CENPF: variants seen among roughly 807,000 people sequenced by gnomAD.
CENPF encodes centromere protein F, also known as AH antigen.
Under a neutral mutation model 307.3 loss-of-function variants are expected in CENPF, and 214 were observed. That is an observed-to-expected ratio of 0.70 (90% CI 0.62 to 0.78). The LOEUF (loss-of-function observed/expected upper bound fraction) is 0.78, where lower values mean the gene tolerates loss of function less well. Ranked by LOEUF, CENPF falls within the 30% of genes least tolerant of loss-of-function variation. The pLI, the probability that CENPF is intolerant of heterozygous loss-of-function variation, is 0.00. For missense variants in CENPF, 3,401 were observed against 3,483.9 expected (o/e 0.98, Z 0.60); for synonymous variants, 1,259 against 1,270.6 (o/e 0.99, Z 0.19).
chr1:214,659,042 A>C lies in CENPF; in HGVS notation c.9141+14A>C. 6.2e-7 allele frequency: 1 copy of C among 1,613,654 alleles called. No homozygotes were observed. The highest frequency in any genetic ancestry group is 2.2e-5 in the East Asian group (1 of 44,866). On this transcript the variant is annotated intron_variant, in intron 19 of 19. Coordinates refer to ENST00000366955, the MANE Select transcript of CENPF (RefSeq NM_016343.4). The surrounding 1 kb of genome is among the most constrained non-coding windows in gnomAD (Gnocchi z 4.4). Reference sequence around the variant, plus strand: ...AGATCACAAAAGGTAAACTACTGTCAACATCCGTCTACTGTTTGAGATCCA... The same window carrying C: ...AGATCACAAAAGGTAAACTACTGTCCACATCCGTCTACTGTTTGAGATCCA...
chr1:214,639,996 T>C lies in CENPF; in HGVS notation c.1658T>C (p.Leu553Ser). ...AATCAGCAAGAAAACTCCTTGACTTTAGAAAAACTGAAGCTTGCTGTGGCT... is the reference window on the plus strand; with the variant it reads ...AATCAGCAAGAAAACTCCTTGACTTCAGAAAAACTGAAGCTTGCTGTGGCT... Reference protein sequence around the residue: ...KINQQENSLTLEKLKLAVADL... With the variant: ...KINQQENSLTSEKLKLAVADL... Residue 553 changes from leucine (L) to serine (S), a missense_variant, in exon 12 of 20, where the codon TTA becomes TCA. Leu to Ser is a moderately radical substitution (Grantham distance 145). Coordinates refer to ENST00000366955, the MANE Select transcript of CENPF (RefSeq NM_016343.4). 2.5e-6 allele frequency: 4 copies of C among 1,589,398 alleles called. No individual in the cohort carries two copies. The highest frequency in any genetic ancestry group is 2.3e-5 in the South Asian group (2 of 85,832).
chr1:214,619,637 T>C (rs2102537107), intron 5 of CENPF, among the ~76,000 whole-genome samples: 1 of 152,282 alleles, frequency 6.6e-6, no homozygotes, highest in African/African-American at 2.4e-5. Context: ...TCACGTGTTA[T>C]TTGCTGAAAA....
At chr1:214,604,467 C>G (rs185911450) in intron 1 of CENPF, among the ~76,000 whole-genome samples, 155 of 152,294 alleles carry the variant, frequency 1.0e-3, no homozygotes, top group Middle Eastern at 3.4e-3. Context: ...AAAATCTGCT[C>G]TAATCACAGT....
chr1:214,616,794 C>G (rs569453345), intron 3 of CENPF, among the ~76,000 whole-genome samples: 1 of 151,706 alleles, frequency 6.6e-6, no homozygotes, highest in Non-Finnish European at 1.5e-5. Flanking sequence ...TTCTTTCTTT[C>G]TTTGTTTCTT....
intron 12 of CENPF, among the ~76,000 whole-genome samples, 175 bp downstream of exon 12, chr1:214,643,499 A>T (rs575134720): frequency 2.0e-4 from 31 of 152,356 alleles, no homozygotes; most frequent in African/African-American, 7.5e-4. Context: ...GAAAATGAGT[A>T]AACGTTATTT....
intron 6 of CENPF, 35 bp downstream of exon 6, chr1:214,620,981 T>G: frequency 1.3e-6 from 2 of 1,552,336 alleles, no homozygotes; most frequent in Non-Finnish European, 1.7e-6. Context: ...AAATTCACTT[T>G]GCTTGAGGTA....
chr1:214,638,053 A>G, intron 11 of CENPF, 52 bp downstream of exon 11: 1 of 1,521,568 alleles, frequency 6.6e-7, no homozygotes, highest in Non-Finnish European at 8.9e-7. Context: ...TATTCCCGTG[A>G]GAGGGGATGG....
rs1345223668 is a variant in CENPF at position 214,644,781 on chromosome 1, T to C, written c.5211T>C (p.Asp1737=). The change falls in exon 13 of 20, where the codon GAT becomes GAC. Residue 1737 remains aspartate (D), a synonymous_variant. Transcript: ENST00000366955. ...PDTNYEPPGE[D]KTQGSSECIS... ...CCAATTATGAGCCTCCAGGGGAAGA[T>C]AAAACCCAGGGCTCTTCAGAATGCA... 3 of 1,613,800 alleles carry C rather than the reference T, an allele frequency of 1.9e-6. No individual in the cohort carries two copies. Among genetic ancestry groups the C allele is most frequent in the Admixed American group, 1.7e-5 (1 of 59,958 alleles).
chr1:214,623,951 ATACT>A (rs1295995132), intron 7 of CENPF, among the ~76,000 whole-genome samples: 1 of 152,204 alleles, frequency 6.6e-6, no homozygotes, highest in Non-Finnish European at 1.5e-5. Flanking sequence ...TGTAGTAGAC[ATACT>A]TCTATTATTT....
In CENPF at chr1:214,644,732, G is replaced by C. The variant is rs1199469297; in HGVS notation, c.5162G>C (p.Cys1721Ser). The C allele has an allele frequency of 3.1e-6, 5 of 1,613,882 alleles. No individual in the cohort carries two copies. The East Asian group carries it at 1.1e-4, about 36-fold the overall frequency. ...GGTGCAGTGAAACCCACAGGAGAGT[G>C]CTCTGGGGAACAGTCCCCAGATACC... The part of the protein sequence containing the change: ...ETGAVKPTGE[C>S]SGEQSPDTNY... Residue 1721 changes from cysteine to serine, a missense_variant, in exon 13 of 20, where the codon TGC (cysteine) becomes TCC (serine). Cys to Ser is a moderately radical substitution (Grantham distance 112). Transcript: ENST00000366955.
In CENPF at chr1:214,651,637, T is replaced by C. The variant is rs564349527; in HGVS notation, c.7984-73T>C. 7.5e-6 allele frequency: 9 copies of C among 1,203,464 alleles called. No individual in the cohort carries two copies. The African/African-American group carries it at 1.4e-4, about 18-fold the overall frequency. The allele number at this position is 1,203,464 out of a possible 1,614,324, so 74.5% of individuals were successfully genotyped here. ...TATTTTTTTTCTACACAGTACACAT[T>C]ATTTCCTAAAAATATTTCCAGGTTC... On this transcript the variant is annotated intron_variant, in intron 14 of 19. Transcript: ENST00000366955.
Position 214,641,287 on chromosome 1 carries a change from T to A in CENPF, c.2949T>A (p.Asn983Lys), listed in dbSNP as rs776056862. Residue 983 changes from asparagine (N) to lysine (K), a missense_variant, in exon 12 of 20, where the codon AAT (asparagine) becomes AAA (lysine). By Grantham distance (94) the Asn-to-Lys change is moderately conservative. Transcript: ENST00000366955. ...TQENGTLKEI[N>K]ASLNQEKMNL... ...AGAATGGGACTCTTAAGGAAATTAA[T>A]GCATCCTTAAATCAAGAGAAGATGA... 6.2e-7 allele frequency: 1 copy of A among 1,606,550 alleles called. No individual in the cohort carries two copies. Among genetic ancestry groups the A allele is most frequent in the Non-Finnish European group, 8.5e-7 (1 of 1,178,174 alleles).
intron 3 of CENPF, among the ~76,000 whole-genome samples, chr1:214,616,405 G>A (rs1325269975): frequency 1.3e-5 from 2 of 152,226 alleles, no homozygotes; most frequent in Admixed American, 6.5e-5. Flanking sequence ...GACCTGCAAC[G>A]TCCAATATGG....
chr1:214,647,387 C>T lies in CENPF; in HGVS notation c.7817C>T (p.Ser2606Phe), dbSNP rs768387356. The T allele has an allele frequency of 1.5e-5, 24 of 1,604,680 alleles. No homozygotes were observed. The highest frequency in any genetic ancestry group is 2.0e-5 in the Non-Finnish European group (24 of 1,175,026). ...ELELTKMDKMSFVEKVNKMTA... is the reference protein window; with the variant it reads ...ELELTKMDKMFFVEKVNKMTA... ...GAATTGACAAAAATGGACAAAATGT[C>T]CTTTGTTGAAAAAGTAAGTGGCTAT... The change falls in exon 13 of 20, where the codon TCC becomes TTC. Residue 2606 changes from serine (S) to phenylalanine (F), a missense_variant. By Grantham distance (155) the Ser-to-Phe change is radical. Transcript: ENST00000366955.
rs1010479803 is a variant in CENPF at position 214,625,486 on chromosome 1, G to A, written c.1068+3205G>A. 2.0e-5 allele frequency among the ~76,000 whole-genome samples: 3 copies of A among 152,116 alleles called. No individual in the cohort carries two copies. In the East Asian group the frequency reaches 5.8e-4, roughly 29 times the overall value. ...TCCACCCGCCTCAGCCTTCCAAAGT[G>A]TTGGGATTACAGACGTGAGCCACTG... On this transcript the variant is annotated intron_variant, in intron 7 of 19. Transcript: ENST00000366955.
intron 17 of CENPF, 57 bp from the exon 18 acceptor site, chr1:214,656,876 C>T (rs1658646936): frequency 8.8e-7 from 1 of 1,132,388 alleles, no homozygotes; most frequent in Non-Finnish European, 1.3e-6. Flanking sequence ...TCACGATGCC[C>T]ATTGTTAACT....
At chr1:214,608,618 C>T (rs267598366) in intron 1 of CENPF, 4 of 1,606,298 alleles carry the variant, frequency 2.5e-6, no homozygotes, top group South Asian at 2.2e-5. Context: ...TACTGGAAGT[C>T]GGCGCGCTCC....
At chr1:214,638,050 G>A (rs377211028) in intron 11 of CENPF, 49 bp downstream of exon 11, 36 of 1,532,106 alleles carry the variant, frequency 2.3e-5, no homozygotes, top group Admixed American at 1.9e-4. Context: ...TGCTATTCCC[G>A]TGAGAGGGGA....
At chr1:214,634,994 A>G (rs904158763) in intron 10 of CENPF, among the ~76,000 whole-genome samples, 1 of 152,210 alleles carries the variant, frequency 6.6e-6, no homozygotes, top group African/African-American at 2.4e-5. Flanking sequence ...ATTTAGTATC[A>G]AAGTGAATGG....
Sources: gnomAD v4.1 joint callset for allele counts (sites outside exome capture counted in the v4.1 genomes callset) on GRCh38, gnomAD v4.1.1 for gene constraint, Gnocchi (gnomAD v3.1) non-coding constraint, MANE v1.5 for transcripts, NCBI Gene and HGNC (gene_info 2026-07-23, HGNC 2026-07-21) for gene names.